Variants in HECW1 observed in about 807,000 individuals in gnomAD.
HECW1 encodes the protein HECT, C2 and WW domain containing E3 ubiquitin protein ligase 1.
A neutral mutation model predicts 182.3 loss-of-function variants in HECW1; 61 were observed. The ratio of observed to expected loss-of-function variants is 0.33; its 90% confidence interval spans 0.27 to 0.41. HECW1 has a LOEUF of 0.41. HECW1 is among the 10% of genes least tolerant of loss of function. The probability of loss-of-function intolerance (pLI) is 1.00; values close to 1 mark genes in which losing one functional copy is unlikely to be tolerated. For synonymous variants in HECW1, 859 were observed against 832.6 expected, an observed-to-expected ratio of 1.03 and a Z score of -0.55; for missense variants, 1,739 against 2,108.9, an observed-to-expected ratio of 0.82 and a Z score of 3.44.
intron 24 of HECW1, among the ~76,000 whole-genome samples, chr7:43,524,855 G>A (rs949901954): frequency 5.9e-5 from 9 of 152,186 alleles, no homozygotes; most frequent in African/African-American, 2.2e-4. Flanking sequence ...AGTGGGAGGT[G>A]GAAGGAGCTC....
intron 5 of HECW1, among the ~76,000 whole-genome samples, chr7:43,326,854 G>A (rs1810858415): frequency 6.6e-6 from 1 of 152,222 alleles, no homozygotes; most frequent in Non-Finnish European, 1.5e-5. Context: ...GACATTCAGA[G>A]CAATGTTTCC....
In HECW1 at chr7:43,432,206, C is replaced by T. The variant is rs1447946108; in HGVS notation, c.802-5797C>T. Among the ~76,000 whole-genome samples, 2 of 148,218 alleles carry T rather than the reference C, an allele frequency of 1.3e-5. No individual in the cohort carries two copies. Among genetic ancestry groups the T allele is most frequent in the Admixed American group, 6.8e-5 (1 of 14,722 alleles). ...CCGGGCTGGAGTGCAGTGGCGGGATCTCGGCTCACTGCAAGCTCCGCCTCC... is the reference window on the plus strand; with the variant it reads ...CCGGGCTGGAGTGCAGTGGCGGGATTTCGGCTCACTGCAAGCTCCGCCTCC... On this transcript the variant is annotated intron_variant, in intron 8 of 29. Transcript: ENST00000395891. The surrounding 1 kb of genome is among the most constrained non-coding windows in gnomAD (Gnocchi z 4.1).
chr7:43,237,984 A>G (rs897577204), intron 2 of HECW1, among the ~76,000 whole-genome samples: 18 of 152,206 alleles, frequency 1.2e-4, no homozygotes, highest in African/African-American at 4.3e-4. Context: ...TATCCTTTGC[A>G]TAATTCTGCC....
chr7:43,452,631 A>G (rs6969909), intron 12 of HECW1, among the ~76,000 whole-genome samples: 1 of 152,342 alleles, frequency 6.6e-6, no homozygotes, highest in African/African-American at 2.4e-5. Flanking sequence ...TCCTGCCCTC[A>G]TGGAGCTTAC....
intron 3 of HECW1, among the ~76,000 whole-genome samples, chr7:43,295,153 T>A (rs372989299): frequency 6.3e-4 from 96 of 152,186 alleles, no homozygotes; most frequent in African/African-American, 2.2e-3. Flanking sequence ...AAGAAAAAAA[T>A]CAGGTATGCA....
Position 43,143,170 on chromosome 7 carries a change from C to T in HECW1, c.-32+28779C>T, listed in dbSNP as rs1788347375. ...AGTTTTAGTAGAGACGGGGTTTTACCATGTTGGCCAGACTGGTCGTGAACT... is the reference window on the plus strand; with the variant it reads ...AGTTTTAGTAGAGACGGGGTTTTACTATGTTGGCCAGACTGGTCGTGAACT... On this transcript the variant is annotated intron_variant, in intron 2 of 29. Coordinates refer to ENST00000395891, the MANE Select transcript of HECW1 (RefSeq NM_015052.5). Among the ~76,000 whole-genome samples the T allele has an allele frequency of 2.0e-5, 3 of 152,158 alleles. No homozygotes were observed. In the South Asian group the frequency reaches 6.2e-4, roughly 32 times the overall value.
At position 43,550,601 on chromosome 7, in the gene HECW1, G is replaced by A. The variant is rs538834552; in HGVS notation, c.4395+10G>A. 1.4e-4 allele frequency: 229 copies of A among 1,588,544 alleles called. 2 individuals carry two copies. In the South Asian group the frequency reaches 1.9e-3, roughly 13 times the overall value. On this transcript the variant is annotated intron_variant, in intron 27 of 29. Transcript: ENST00000395891. The stretch of plus-strand genomic sequence containing the variant: ...GCGCGGCTTCTACGAGGTGAGGCCC[G>A]GTGGCCTGGGGAAGGCAAGCTGTGG...
Position 43,425,794 on chromosome 7 carries a change from G to T in HECW1, c.802-12209G>T, listed in dbSNP as rs539651287. Among the ~76,000 whole-genome samples, 27 of 152,220 alleles carry T rather than the reference G, an allele frequency of 1.8e-4. No individual in the cohort carries two copies. In the South Asian group the frequency reaches 3.5e-3, roughly 20 times the overall value. On this transcript the variant is annotated intron_variant, in intron 8 of 29. Transcript: ENST00000395891. ...TCAATAATAGCATTAATCCATTTAT[G>T]AGGGCAGAGCCTTCATGACCTAATC...
chr7:43,122,185 G>T (rs1432772496), intron 2 of HECW1, among the ~76,000 whole-genome samples: 1 of 152,320 alleles, frequency 6.6e-6, no homozygotes, highest in South Asian at 2.1e-4. Context: ...CTATAAATGA[G>T]CAAAGCCGAG....
chr7:43,311,559 G>A, intron 3 of HECW1: 1 of 752,874 alleles, frequency 1.3e-6, no homozygotes, highest in Admixed American at 1.7e-5. Context: ...GTGCACTTGT[G>A]TTTTTGTTCT....
chr7:43,203,467 CT>C (rs778090416), intron 2 of HECW1, among the ~76,000 whole-genome samples: 2 of 151,874 alleles, frequency 1.3e-5, no homozygotes, highest in Non-Finnish European at 2.9e-5. Context: ...AGCCACATTA[CT>C]TTTTGTTTTT....
intron 5 of HECW1, among the ~76,000 whole-genome samples, chr7:43,327,339 A>G (rs1159594017): frequency 1.3e-5 from 2 of 152,176 alleles, no homozygotes; most frequent in Non-Finnish European, 2.9e-5. Flanking sequence ...GTGGAAACCA[A>G]GACTCCCCCC....
intron 2 of HECW1, among the ~76,000 whole-genome samples, chr7:43,212,224 T>C (rs564964640): frequency 6.6e-6 from 1 of 152,182 alleles, no homozygotes; most frequent in African/African-American, 2.4e-5. Context: ...TGAATAAAAC[T>C]TTTACCCAAT....
rs189119814 is a variant in HECW1, at chr7:43,295,361, G to A, written c.28-16402G>A. On this transcript the variant is annotated intron_variant, in intron 3 of 29. Transcript: ENST00000395891. ...ATCTTATTTAGGAATAGAATAGGAG[G>A]CAGGTTGGCCCAAGACAATTCCCAG... 7.6e-3 allele frequency among the ~76,000 whole-genome samples: 1,160 copies of A among 152,254 alleles called. 5 individuals carry two copies. Among genetic ancestry groups the A allele is most frequent in the Non-Finnish European group, 0.012 (822 of 68,020 alleles).
intron 6 of HECW1, among the ~76,000 whole-genome samples, chr7:43,380,229 A>C (rs2152826830): frequency 6.6e-6 from 1 of 152,052 alleles, no homozygotes; most frequent in African/African-American, 2.4e-5. Flanking sequence ...ATATTTTTAA[A>C]AATTTTTAAA....
Position 43,509,110 on chromosome 7 carries a change from C to A in HECW1, c.4008C>A (p.Asn1336Lys), listed in dbSNP as rs141017471. Reference protein sequence around the residue: ...QISPMSAFVENHLEWFRFSGR... With the variant: ...QISPMSAFVEKHLEWFRFSGR... The stretch of plus-strand genomic sequence containing the variant: ...GCCCCATGTCCGCATTTGTAGAAAA[C>A]CATCTTGAGTGGTAAGCTCTATAAT... Residue 1336 changes from asparagine (N) to lysine (K), a missense_variant, in exon 24 of 30, where the codon AAC becomes AAA. Physicochemically the swap from Asn to Lys is moderately conservative, Grantham distance 94. Around this residue, in one of 5 missense-constraint regions of HECW1, gnomAD observed 420 missense variants for 595.7 expected, o/e 0.71. Coordinates refer to ENST00000395891, the MANE Select transcript of HECW1 (RefSeq NM_015052.5). 1.9e-6 allele frequency: 3 copies of A among 1,613,844 alleles called. No homozygotes were observed. The highest frequency in any genetic ancestry group is 1.7e-6 in the Non-Finnish European group (2 of 1,179,930).
chr7:43,536,288 C>A (rs1435754023), intron 24 of HECW1, among the ~76,000 whole-genome samples: 2 of 152,224 alleles, frequency 1.3e-5, no homozygotes, highest in Admixed American at 6.5e-5. Context: ...AGGAATATGT[C>A]TTACGGTGAT....
chr7:43,501,179 C>CTTTT, intron 20 of HECW1, 34 bp from the exon 21 acceptor site: 2 of 1,091,956 alleles, frequency 1.8e-6, no homozygotes, highest in Admixed American at 2.4e-5. Context: ...ACTTTCTTTT[C>CTTTT]TTTCTTTTTT....
chr7:43,304,141 T>G (rs1310306896), intron 3 of HECW1, among the ~76,000 whole-genome samples: 1 of 152,108 alleles, frequency 6.6e-6, no homozygotes, highest in African/African-American at 2.4e-5. Context: ...GTTTCTGCTT[T>G]TAGACTGTTA....
Sources: allele counts gnomAD v4.1 joint callset (sites outside exome capture counted in the v4.1 genomes callset), GRCh38; gene constraint gnomAD v4.1.1; regional missense constraint gnomAD v4.1.1; non-coding constraint Gnocchi (gnomAD v3.1); transcripts MANE v1.5; gene names NCBI Gene and HGNC (gene_info 2026-07-23, HGNC 2026-07-21).